Variants in F13B observed in about 807,000 individuals in gnomAD.
F13B encodes coagulation factor XIII B chain, also known as TGase.
A neutral mutation model predicts 79.8 loss-of-function variants in F13B; 58 were observed. The observed-to-expected ratio is 0.73, with a 90% CI of 0.59 to 0.90. F13B has a LOEUF of 0.90. F13B is among the 40% of genes least tolerant of loss of function. The probability of loss-of-function intolerance (pLI) is 0.00; values close to 1 mark genes in which losing one functional copy is unlikely to be tolerated. For missense variants in F13B, 773 were observed against 777.0 expected (o/e 0.99, Z 0.06); for synonymous variants, 283 against 260.3 (o/e 1.09, Z -0.84).
intron 5 of F13B, among the ~76,000 whole-genome samples, chr1:197,059,178 T>C (rs1268865320): frequency 6.6e-6 from 1 of 152,068 alleles, no homozygotes; most frequent in Non-Finnish European, 1.5e-5. Context: ...ATCGTGCCAC[T>C]GCACTCTAGC....
At chr1:197,058,404 G>C (rs1438149720) in intron 5 of F13B, among the ~76,000 whole-genome samples, 1 of 152,120 alleles carries the variant, frequency 6.6e-6, no homozygotes, top group Non-Finnish European at 1.5e-5. Flanking sequence ...TACAGTCCTA[G>C]AGGCCAGAAG....
chr1:197,058,697 T>A (rs1030060827), intron 5 of F13B, among the ~76,000 whole-genome samples: 6 of 152,118 alleles, frequency 3.9e-5, no homozygotes, highest in Admixed American at 2.6e-4. Flanking sequence ...ATTCCTACCT[T>A]AAGATTGTTA....
rs781729626 is a variant in F13B, at chr1:197,063,031, C to T, written c.91G>A (p.Glu31Lys). ...EEKPCGFPHV[E>K]NGRIAQYYYT... ...TAATATTGGGCAATTCTTCCATTTT[C>T]CACATGAGGAAAACCACAGGGTTTC... Residue 31 changes from glutamate (E) to lysine (K), a missense_variant, in exon 2 of 12, where the codon GAA becomes AAA. Physicochemically the swap from Glu to Lys is moderately conservative, Grantham distance 56. Transcript: ENST00000367412. 5 of 1,612,312 alleles carry T rather than the reference C, an allele frequency of 3.1e-6. No homozygotes were observed. Among genetic ancestry groups the T allele is most frequent in the East Asian group, 2.2e-5 (1 of 44,836 alleles).
intron 10 of F13B, among the ~76,000 whole-genome samples, chr1:197,048,442 T>C (rs1655318914): frequency 1.3e-5 from 2 of 151,792 alleles, no homozygotes; most frequent in South Asian, 4.2e-4. Context: ...TGGAAAAATG[T>C]GTACTACATG....
chr1:197,055,360 A>G lies in F13B; in HGVS notation c.1354+355T>C, dbSNP rs561100314. The stretch of plus-strand genomic sequence containing the variant: ...AGAATAGGACTAATTATTCTTCTTG[A>G]AATGACATTCTGAGGGCAATACAAG... On this transcript the variant is annotated intron_variant, in intron 8 of 11. Transcript: ENST00000367412. Among the ~76,000 whole-genome samples, 10 of 152,160 alleles carry G rather than the reference A, an allele frequency of 6.6e-5. No homozygotes were observed. The South Asian group carries it at 2.1e-3, about 32-fold the overall frequency.
chr1:197,057,292 A>G lies in F13B; in HGVS notation c.979T>C (p.Cys327Arg). The change falls in exon 6 of 12, where the codon TGC (cysteine) becomes CGC (arginine). Residue 327 changes from cysteine (C) to arginine (R), a missense_variant. Cys to Arg is a radical substitution (Grantham distance 180). Coordinates refer to ENST00000367412, the MANE Select transcript of F13B (RefSeq NM_001994.3). ...EDGKWTEPPKCIEGQEKVACE... is the reference protein window; with the variant it reads ...EDGKWTEPPKRIEGQEKVACE... ...TCTTCAAGGTGTTACTAACCAATGCATTTTGGAGGTTCTGTCCATTTTCCA... is the reference window on the plus strand; with the variant it reads ...TCTTCAAGGTGTTACTAACCAATGCGTTTTGGAGGTTCTGTCCATTTTCCA... The G allele has an allele frequency of 6.2e-7, 1 of 1,613,890 alleles. No individual in the cohort carries two copies. The highest frequency in any genetic ancestry group is 1.7e-4 in the Middle Eastern group (1 of 6,060).
intron 11 of F13B, 153 bp downstream of exon 11, chr1:197,040,369 G>A (rs1298744989): frequency 3.3e-6 from 2 of 610,876 alleles, no homozygotes; most frequent in Non-Finnish European, 5.7e-6. Flanking sequence ...ACTTCCAGTT[G>A]TTTGTTTGGT....
intron 10 of F13B, among the ~76,000 whole-genome samples, chr1:197,049,309 A>G (rs538753318): frequency 3.1e-4 from 47 of 152,198 alleles, no homozygotes; most frequent in Non-Finnish European, 5.7e-4. Flanking sequence ...TGATGAATCA[A>G]CAAATGCAAA....
At chr1:197,040,483 CA>C (rs750749748) in intron 11 of F13B, 38 bp downstream of exon 11, 128 of 1,437,386 alleles carry the variant, frequency 8.9e-5, no homozygotes, top group South Asian at 2.8e-4. Context: ...ACAATCTGAC[CA>C]AAAAAAATAA....
chr1:197,054,109 G>T (rs1655553233), intron 8 of F13B, among the ~76,000 whole-genome samples: 1 of 151,980 alleles, frequency 6.6e-6, no homozygotes, highest in African/African-American at 2.4e-5. Context: ...CCTTTCTCTT[G>T]CCCTGATAAC....
In F13B at chr1:197,039,463, GTTAA is replaced by G. The variant is rs757700417; in HGVS notation, c.1953-56_1953-53del. 60 of 1,456,996 alleles carry G rather than the reference GTTAA, an allele frequency of 4.1e-5. No individual in the cohort carries two copies. In the South Asian group the frequency reaches 4.3e-4, roughly 10 times the overall value. The allele number at this position is 1,456,996 out of a possible 1,614,324, so 90.3% of individuals were successfully genotyped here. ...AAATAAGCATCAATTGCAGTCAGGTGTTAATTACAATCTCAGCCTTTCAATTTTT... is the reference window on the plus strand; with the variant it reads ...AAATAAGCATCAATTGCAGTCAGGTGTTACAATCTCAGCCTTTCAATTTTT... On this transcript the variant is annotated intron_variant, in intron 11 of 11. Coordinates refer to ENST00000367412, the MANE Select transcript of F13B (RefSeq NM_001994.3).
intron 10 of F13B, among the ~76,000 whole-genome samples, chr1:197,050,168 TAAGAG>T (rs1417982420): frequency 5.3e-5 from 8 of 152,092 alleles, no homozygotes; most frequent in Non-Finnish European, 1.2e-4. Flanking sequence ...TGAAAGAAGA[TAAGAG>T]AAGTAAATAA....
chr1:197,061,887 A>C lies in F13B; in HGVS notation c.348T>G (p.Tyr116Ter), dbSNP rs1411171378. 1.2e-6 allele frequency: 2 copies of C among 1,613,224 alleles called. No homozygotes were observed. The highest frequency in any genetic ancestry group is 2.2e-5 in the South Asian group (2 of 91,060). ...TGGTTTTGTACCCTGAAGCGCAACC[A>C]TAACGCATGTTCTCTTGAATTTTAT... ...LLYKIQENMR[Y>*]GCASGYKTTG... is the part of the protein sequence containing the mutation. The change falls in exon 3 of 12, where the codon TAT (tyrosine) becomes TAG (stop). Residue 116 changes from tyrosine to a stop codon, truncating the protein, a stop_gained. Transcript: ENST00000367412. LOFTEE classifies it high-confidence loss of function.
At position 197,052,767 on chromosome 1, in the gene F13B, C is replaced by T. The variant is rs752317636; in HGVS notation, c.1422G>A (p.Gly474=). 6.2e-7 allele frequency: 1 copy of T among 1,610,978 alleles called. No homozygotes were observed. The highest frequency in any genetic ancestry group is 1.1e-5 in the South Asian group (1 of 90,976). ...CTATTAAATCTCCATGTAAGACTTT[C>T]CCTTCATATTTCCACTTCATTTCTA... ...NNIEMKWKYE[G]KVLHGDLIDF... is the part of the protein sequence containing the mutation. Residue 474 remains glycine (G), a synonymous_variant, in exon 9 of 12, where the codon GGG becomes GGA. Coordinates refer to ENST00000367412, the MANE Select transcript of F13B (RefSeq NM_001994.3).
In F13B at chr1:197,055,698, T is replaced by C. The variant is rs1655615460; in HGVS notation, c.1354+17A>G. On this transcript the variant is annotated intron_variant, in intron 8 of 11. Coordinates refer to ENST00000367412, the MANE Select transcript of F13B (RefSeq NM_001994.3). Reference sequence around the variant, plus strand: ...TAAAAGTACAAACGTAGACATTCCATGTGTTCTCTTTCTTACCCAAGCAAA... The same window carrying C: ...TAAAAGTACAAACGTAGACATTCCACGTGTTCTCTTTCTTACCCAAGCAAA... The C allele has an allele frequency of 1.1e-5, 17 of 1,611,522 alleles. No homozygotes were observed. The highest frequency in any genetic ancestry group is 4.0e-5 in the African/African-American group (3 of 74,812).
intron 2 of F13B, among the ~76,000 whole-genome samples, chr1:197,062,299 C>T (rs550115531): frequency 6.6e-6 from 1 of 152,202 alleles, no homozygotes; most frequent in East Asian, 1.9e-4. Context: ...AGTGGAAGAT[C>T]ATTGATAGTT....
At chr1:197,064,595 G>C (rs1328528467) in intron 1 of F13B, among the ~76,000 whole-genome samples, 4 of 152,060 alleles carry the variant, frequency 2.6e-5, no homozygotes, top group Admixed American at 1.3e-4. Flanking sequence ...GGTTACCTTT[G>C]GGGTTTAGTG....
intron 2 of F13B, among the ~76,000 whole-genome samples, chr1:197,062,323 G>A (rs1655894311): frequency 6.6e-6 from 1 of 152,070 alleles, no homozygotes; most frequent in South Asian, 2.1e-4. Context: ...TGATAGTGTA[G>A]CCTGATATAA....
rs1655674000 is a variant in F13B at position 197,057,160 on chromosome 1, T to C, written c.1024A>G (p.Ile342Val). Residue 342 changes from isoleucine to valine, a missense_variant, in exon 7 of 12, where the codon ATT (isoleucine) becomes GTT (valine). Physicochemically the swap from Ile to Val is conservative, Grantham distance 29. Transcript: ENST00000367412. ...TGTAAATTTGCTGCACCATTTTCAATGAAGGGTGGTTCCTCACAGGCTACC... is the reference window on the plus strand; with the variant it reads ...TGTAAATTTGCTGCACCATTTTCAACGAAGGGTGGTTCCTCACAGGCTACC... ...EKVACEEPPF[I>V]ENGAANLHSK... is the part of the protein sequence containing the mutation. 3 of 1,613,946 alleles carry C rather than the reference T, an allele frequency of 1.9e-6. No individual in the cohort carries two copies. Among genetic ancestry groups the C allele is most frequent in the Non-Finnish European group, 2.5e-6 (3 of 1,179,918 alleles).
Sources: gnomAD v4.1 joint callset for allele counts (sites outside exome capture counted in the v4.1 genomes callset) on GRCh38, gnomAD v4.1.1 for gene constraint, MANE v1.5 for transcripts, NCBI Gene and HGNC (gene_info 2026-07-23, HGNC 2026-07-21) for gene names.